ADORA2B: variants seen among roughly 807,000 people sequenced by gnomAD.
ADORA2B encodes the protein adenosine receptor A2b.
A neutral mutation model predicts 20.8 loss-of-function variants in ADORA2B; 18 were observed. The ratio of observed to expected loss-of-function variants is 0.87; its 90% CI spans 0.60 to 1.29. The LOEUF (loss-of-function observed/expected upper bound fraction) is 1.29, where lower values mean the gene tolerates loss of function less well. Ranked by LOEUF, ADORA2B falls within the 50% of genes most tolerant of loss-of-function variation. The pLI, the probability that ADORA2B is intolerant of heterozygous loss-of-function variation, is 0.00. For missense variants in ADORA2B, 441 were observed against 422.7 expected (o/e 1.04, Z -0.38); for synonymous variants, 179 against 178.3 (o/e 1.00, Z -0.03).
the ADORA2B span, among the ~76,000 whole-genome samples, chr17:15,889,026 T>C: frequency 8.6e-6 from 1 of 116,864 alleles, no homozygotes; most frequent in South Asian, 2.6e-4. Flanking sequence ...CCACGCCTAG[T>C]TGATTTTTGT....
At chr17:15,944,747 T>C (rs1969775353), upstream of ADORA2B, among the ~76,000 whole-genome samples, 1 of 151,526 alleles carries the variant, frequency 6.6e-6, no homozygotes, top group African/African-American at 2.4e-5. The surrounding 1 kb of genome is among the most constrained non-coding windows in gnomAD (Gnocchi z 4.8). Context: ...TAGCCTGGAG[T>C]GAGCTCGCCC....
At chr17:15,857,006 C>T in the ADORA2B span, among the ~76,000 whole-genome samples, 11 of 152,196 alleles carry the variant, frequency 7.2e-5, no homozygotes, top group African/African-American at 2.7e-4. Flanking sequence ...TGTCCCATCA[C>T]AGGCCCAGTG....
chr17:15,865,694 A>C, the ADORA2B span, among the ~76,000 whole-genome samples: 1 of 151,200 alleles, frequency 6.6e-6, no homozygotes, highest in Non-Finnish European at 1.5e-5. Flanking sequence ...ACTACTCCCT[A>C]AGATAACCAT....
chr17:15,952,851 C>A (rs769156925), intron 1 of ADORA2B, among the ~76,000 whole-genome samples: 1 of 152,346 alleles, frequency 6.6e-6, no homozygotes, highest in Non-Finnish European at 1.5e-5. Context: ...TAGGCTTTAG[C>A]CATGGTTATT....
At chr17:15,964,422 C>CA (rs1159950723) in intron 1 of ADORA2B, among the ~76,000 whole-genome samples, 2 of 151,574 alleles carry the variant, frequency 1.3e-5, no homozygotes, top group African/African-American at 4.9e-5. Flanking sequence ...GCCTGGCCAG[C>CA]ATGGTGAAAC....
chr17:15,858,096 G>A, the ADORA2B span, among the ~76,000 whole-genome samples: 6,193 of 151,222 alleles, frequency 0.041, 289 homozygotes, highest in African/African-American at 0.11. Context: ...TTGAGATTCT[G>A]TTTTCAATTC....
At chr17:15,970,048 G>C (rs944463345) in intron 1 of ADORA2B, among the ~76,000 whole-genome samples, 2 of 152,156 alleles carry the variant, frequency 1.3e-5, no homozygotes, top group African/African-American at 2.4e-5. Flanking sequence ...TGTATCCAAG[G>C]CCTCCATGTT....
At position 15,945,139 on chromosome 17, in the gene ADORA2B, A is replaced by G; in HGVS notation, c.-110A>G. 2 of 953,768 alleles carry G rather than the reference A, an allele frequency of 2.1e-6. No homozygotes were observed. Among genetic ancestry groups the G allele is most frequent in the Non-Finnish European group, 2.8e-6 (2 of 722,032 alleles). The allele number at this position is 953,768 out of a possible 1,614,324, so 59.1% of individuals were successfully genotyped here. A position where few individuals can be genotyped will look rare whatever the true frequency, so the allele number is the denominator to read the frequency against. On this transcript the variant is annotated 5_prime_UTR_variant, in exon 1 of 2. Transcript: ENST00000304222. Reference sequence around the variant, plus strand: ...CCCAGCCCCGAGGCTCAGAAGCGGCAGGCGGAGGCGCGGTCCGGGCGCTAT... The same window carrying G: ...CCCAGCCCCGAGGCTCAGAAGCGGCGGGCGGAGGCGCGGTCCGGGCGCTAT...
chr17:15,870,907 TC>T, the ADORA2B span, among the ~76,000 whole-genome samples: 1 of 152,252 alleles, frequency 6.6e-6, no homozygotes, highest in Non-Finnish European at 1.5e-5. Flanking sequence ...ACTGTGGGCT[TC>T]CACTCTATTG....
At chr17:15,857,045 C>G in the ADORA2B span, among the ~76,000 whole-genome samples, 24 of 152,196 alleles carry the variant, frequency 1.6e-4, no homozygotes, top group Admixed American at 1.5e-3. Context: ...GTTTTGTGGC[C>G]TGGGCCCAGG....
rs763280148 is a variant in ADORA2B at position 15,975,048 on chromosome 17, A to C, written c.705A>C (p.Ser235=). ...TLQREIHAAK[S]LAMIVGIFAL... ...AGCGGGAGATCCATGCAGCCAAGTC[A>C]CTGGCCATGATTGTGGGGATTTTTG... The change falls in exon 2 of 2, where the codon TCA becomes TCC. Residue 235 remains serine, a synonymous_variant. Coordinates refer to ENST00000304222, the MANE Select transcript of ADORA2B (RefSeq NM_000676.4). The C allele has an allele frequency of 4.0e-5, 65 of 1,614,022 alleles. No individual in the cohort carries two copies. In the Admixed American group the frequency reaches 1.1e-3, roughly 27 times the overall value.
At chr17:15,866,448 C>T in the ADORA2B span, among the ~76,000 whole-genome samples, 1 of 151,338 alleles carries the variant, frequency 6.6e-6, no homozygotes, top group African/African-American at 2.4e-5. Flanking sequence ...TGGATAGTCC[C>T]TTTTGGGATG....
chr17:15,952,620 G>T (rs1969919953), intron 1 of ADORA2B, among the ~76,000 whole-genome samples: 1 of 152,172 alleles, frequency 6.6e-6, no homozygotes, highest in Admixed American at 6.5e-5. Flanking sequence ...ATTGTGATTA[G>T]ATTCCTTTAA....
At chr17:15,935,568 T>C in the ADORA2B span, among the ~76,000 whole-genome samples, 213 of 152,300 alleles carry the variant, frequency 1.4e-3, 11 homozygotes, top group South Asian at 0.044. Context: ...TTCACTGAGT[T>C]TCTTCGATGT....
At chr17:15,857,303 G>A in the ADORA2B span, among the ~76,000 whole-genome samples, 1 of 152,224 alleles carries the variant, frequency 6.6e-6, no homozygotes, top group African/African-American at 2.4e-5. Flanking sequence ...GCAGAAATCT[G>A]CTGCAGGGAT....
In ADORA2B at chr17:15,975,453, T is replaced by C. The variant is rs192439395; in HGVS notation, c.*111T>C. The stretch of plus-strand genomic sequence containing the variant: ...ACACCTCACAAGGAAATGGACTGCC[T>C]CTCTTGAGCACTTCCCTGGAGCTAC... On this transcript the variant is annotated 3_prime_UTR_variant, in exon 2 of 2. Transcript: ENST00000304222. The C allele has an allele frequency of 7.2e-5, 83 of 1,157,820 alleles. No individual in the cohort carries two copies. The highest frequency in any genetic ancestry group is 9.1e-5 in the Non-Finnish European group (75 of 822,536). The allele number at this position is 1,157,820 out of a possible 1,614,324, so 71.7% of individuals were successfully genotyped here. A position where few individuals can be genotyped will look rare whatever the true frequency, so the allele number is the denominator to read the frequency against.
In ADORA2B at chr17:15,945,263, A is replaced by G. The variant is rs1281387791; in HGVS notation, c.15A>G (p.Thr5=). 1 of 1,489,926 alleles carries G rather than the reference A, an allele frequency of 6.7e-7. No homozygotes were observed. The highest frequency in any genetic ancestry group is 1.4e-5 in the African/African-American group (1 of 71,966). The allele number at this position is 1,489,926 out of a possible 1,614,324, so 92.3% of individuals were successfully genotyped here. A position where few individuals can be genotyped will look rare whatever the true frequency, so the allele number is the denominator to read the frequency against. Reference sequence around the variant, plus strand: ...CTGGCCCGGCCATGCTGCTGGAGACACAGGACGCGCTGTACGTGGCGCTGG... The same window carrying G: ...CTGGCCCGGCCATGCTGCTGGAGACGCAGGACGCGCTGTACGTGGCGCTGG... MLLE[T]QDALYVALEL... is the part of the protein sequence containing the mutation. The change falls in exon 1 of 2, where the codon ACA becomes ACG. Residue 5 remains threonine, a synonymous_variant. Transcript: ENST00000304222.
At chr17:15,972,629 C>A (rs1209194035) in intron 1 of ADORA2B, among the ~76,000 whole-genome samples, 1 of 152,194 alleles carries the variant, frequency 6.6e-6, no homozygotes, top group Non-Finnish European at 1.5e-5. Context: ...CCATAACTCA[C>A]TTGTCATAGA....
chr17:15,882,534 A>G, the ADORA2B span, among the ~76,000 whole-genome samples: 2 of 152,180 alleles, frequency 1.3e-5, no homozygotes, highest in Non-Finnish European at 2.9e-5. Context: ...AGTCATGATC[A>G]TGCCACTGCA....
Sources: gnomAD v4.1 joint callset for allele counts (sites outside exome capture counted in the v4.1 genomes callset) on GRCh38, gnomAD v4.1.1 for gene constraint, Gnocchi (gnomAD v3.1) non-coding constraint, MANE v1.5 for transcripts, NCBI Gene and HGNC (gene_info 2026-07-23, HGNC 2026-07-21) for gene names.